The following PRMT8 variants were observed in gnomAD, a reference collection of about 807,000 sequenced individuals.
The protein encoded by PRMT8 is protein arginine methyltransferase 8, also known as protein arginine N-methyltransferase 8.
In PRMT8, 7 loss-of-function variants were observed where a neutral mutation model predicts 47.1. That is an observed-to-expected ratio of 0.15 (90% CI 0.08 to 0.28). PRMT8 has a LOEUF of 0.28. PRMT8 is among the 10% of genes least tolerant of loss of function. The pLI, the probability that PRMT8 is intolerant of heterozygous loss-of-function variation, is 1.00. For synonymous variants in PRMT8, 188 were observed against 186.5 expected, an observed-to-expected ratio of 1.01 and a Z score of -0.07; for missense variants, 237 against 505.4, an observed-to-expected ratio of 0.47 and a Z score of 5.09.
chr12:3,494,042 A>G (rs1377759706), intron 1 of PRMT8, among the ~76,000 whole-genome samples: 1 of 152,208 alleles, frequency 6.6e-6, no homozygotes, highest in African/African-American at 2.4e-5. Context: ...CTAGAGCAGC[A>G]CTTCCAAAAG....
chr12:3,524,454 T>G (rs1294072416), intron 1 of PRMT8, among the ~76,000 whole-genome samples: 1 of 152,000 alleles, frequency 6.6e-6, no homozygotes, highest in Admixed American at 6.6e-5. Context: ...CCCCGCCCCT[T>G]AGTTGCCCTC....
intron 1 of PRMT8, among the ~76,000 whole-genome samples, chr12:3,418,718 A>G (rs1425696562): frequency 6.9e-6 from 1 of 143,932 alleles, no homozygotes; most frequent in Non-Finnish European, 1.5e-5. Context: ...ATGCTCTGCC[A>G]GTTTCTCTTT....
chr12:3,531,645 G>A (rs763359135), intron 1 of PRMT8, among the ~76,000 whole-genome samples: 5 of 152,148 alleles, frequency 3.3e-5, no homozygotes, highest in African/African-American at 9.7e-5. Flanking sequence ...GGCAGGAGGC[G>A]CCTGTGCACA....
At chr12:3,554,501 C>T (rs1274874772) in intron 4 of PRMT8, among the ~76,000 whole-genome samples, 1 of 152,210 alleles carries the variant, frequency 6.6e-6, no homozygotes, top group Non-Finnish European at 1.5e-5. Context: ...GAGAGAGGAA[C>T]TGGTAGACAG....
At chr12:3,416,061 T>C (rs1163492479) in intron 1 of PRMT8, among the ~76,000 whole-genome samples, 5 of 152,120 alleles carry the variant, frequency 3.3e-5, no homozygotes, top group Non-Finnish European at 5.9e-5. Context: ...AGAGATGAGC[T>C]TCAACAGGGA....
intron 1 of PRMT8, among the ~76,000 whole-genome samples, chr12:3,435,481 T>A (rs1330126788): frequency 6.6e-6 from 1 of 151,920 alleles, no homozygotes; most frequent in Non-Finnish European, 1.5e-5. Context: ...GCCATATGGC[T>A]GTAGAAATGA....
At position 3,593,209 on chromosome 12, in the gene PRMT8, C is replaced by T. The variant is rs368847815; in HGVS notation, c.*27C>T. 166 of 1,585,744 alleles carry T rather than the reference C, an allele frequency of 1.0e-4. No homozygotes were observed. Among genetic ancestry groups the T allele is most frequent in the East Asian group, 8.7e-4 (39 of 44,686 alleles). ...ACACGTGGGAAGCTGCAGAGAGCAA[C>T]GAGAAAAGGAACTCTCACCTCGATC... On this transcript the variant is annotated 3_prime_UTR_variant, in exon 10 of 10. Coordinates refer to ENST00000382622, the MANE Select transcript of PRMT8 (RefSeq NM_019854.5). The surrounding 1 kb of genome is among the most constrained non-coding windows in gnomAD (Gnocchi z 4.8).
At chr12:3,497,085 A>T (rs1865521877) in intron 1 of PRMT8, among the ~76,000 whole-genome samples, 1 of 152,154 alleles carries the variant, frequency 6.6e-6, no homozygotes. Context: ...ACCAGTGTGG[A>T]ACATGCAAAA....
In PRMT8 at chr12:3,582,909, G is replaced by A. The variant is rs1424722143; in HGVS notation, c.829-149G>A. On this transcript the variant is annotated intron_variant, in intron 7 of 9. Transcript: ENST00000382622. ...GGATGGAGGAGGTGATTGGGAGGGC[G>A]GTGGGGAGCCTGGGAAATCACCCCA... 22 of 871,186 alleles carry A rather than the reference G, an allele frequency of 2.5e-5. No homozygotes were observed. In the East Asian group the frequency reaches 3.2e-4, roughly 13 times the overall value. 54.0% of individuals were successfully genotyped at this position (871,186 alleles called of 1,614,324 possible).
At chr12:3,518,120 A>C (rs1865824750) in intron 1 of PRMT8, among the ~76,000 whole-genome samples, 1 of 152,056 alleles carries the variant, frequency 6.6e-6, no homozygotes. Context: ...CCCCCTCACC[A>C]TACATGTCAC....
chr12:3,478,254 C>G (rs987811645), intron 1 of PRMT8, among the ~76,000 whole-genome samples: 1 of 144,176 alleles, frequency 6.9e-6, no homozygotes, highest in Non-Finnish European at 1.5e-5. Context: ...TCTATTGATC[C>G]ACCTATCATC....
intron 4 of PRMT8, among the ~76,000 whole-genome samples, chr12:3,554,454 G>T (rs954903812): frequency 6.6e-6 from 1 of 152,224 alleles, no homozygotes; most frequent in African/African-American, 2.4e-5. Context: ...CCCCCTGTAG[G>T]CATCCTGTCC....
At position 3,587,801 on chromosome 12, in the gene PRMT8, C is replaced by T. The variant is rs543606936; in HGVS notation, c.980-4430C>T. Among the ~76,000 whole-genome samples the T allele has an allele frequency of 3.9e-5, 6 of 152,326 alleles. No individual in the cohort carries two copies. The East Asian group carries it at 9.6e-4, about 24-fold the overall frequency. On this transcript the variant is annotated intron_variant, in intron 8 of 9. Transcript: ENST00000382622. The stretch of plus-strand genomic sequence containing the variant: ...TCTTCTGTTCTCAGCCCAGTGGTAG[C>T]GCGCTCTGCGGGCCACTTAGAAACA...
chr12:3,443,006 A>G (rs1864819745), intron 1 of PRMT8, among the ~76,000 whole-genome samples: 1 of 152,198 alleles, frequency 6.6e-6, no homozygotes, highest in Non-Finnish European at 1.5e-5. Flanking sequence ...TAATTTTTAA[A>G]AAAGTAAAAT....
At chr12:3,422,170 C>T (rs1864548641) in intron 1 of PRMT8, among the ~76,000 whole-genome samples, 1 of 152,200 alleles carries the variant, frequency 6.6e-6, no homozygotes, top group African/African-American at 2.4e-5. Flanking sequence ...AAATGATCCC[C>T]AAGTGCATTT....
chr12:3,472,067 G>T (rs1026309708), intron 1 of PRMT8, among the ~76,000 whole-genome samples: 4 of 152,174 alleles, frequency 2.6e-5, no homozygotes, highest in African/African-American at 9.7e-5. Context: ...CAGAGTGCGT[G>T]GGCGGGGACA....
At chr12:3,399,023 A>G (rs893193058) in intron 1 of PRMT8, among the ~76,000 whole-genome samples, 11 of 152,152 alleles carry the variant, frequency 7.2e-5, no homozygotes, top group Non-Finnish European at 1.2e-4. Flanking sequence ...TAAGGTGTCT[A>G]CTTTCCTGCC....
intron 1 of PRMT8, among the ~76,000 whole-genome samples, chr12:3,398,924 C>T (rs1422572563): frequency 2.0e-5 from 3 of 152,130 alleles, no homozygotes; most frequent in African/African-American, 7.2e-5. Context: ...GGGGGAATGG[C>T]CCTGGGAGGA....
At chr12:3,465,896 G>A (rs548750253) in intron 1 of PRMT8, among the ~76,000 whole-genome samples, 53 of 152,210 alleles carry the variant, frequency 3.5e-4, no homozygotes, top group Admixed American at 1.2e-3. Context: ...CTCTGTAGCC[G>A]GGATAGCTTC....
Sources: gnomAD v4.1 joint callset for allele counts (sites outside exome capture counted in the v4.1 genomes callset) on GRCh38, gnomAD v4.1.1 for gene constraint, Gnocchi (gnomAD v3.1) non-coding constraint, MANE v1.5 for transcripts, NCBI Gene and HGNC (gene_info 2026-07-23, HGNC 2026-07-21) for gene names.